HAS3: variants seen among roughly 807,000 people sequenced by gnomAD.
HAS3 encodes the protein HA synthase 3.
Under a neutral mutation model 50.3 loss-of-function variants are expected in HAS3, and 27 were observed. The observed-to-expected ratio is 0.54, with a 90% CI of 0.40 to 0.74. The LOEUF (loss-of-function observed/expected upper bound fraction) is 0.74, where lower values mean the gene tolerates loss of function less well. HAS3 is among the 30% of genes least tolerant of loss of function. The pLI is 0.00. For synonymous variants in HAS3, 339 were observed against 310.9 expected (o/e 1.09, Z -0.95); for missense variants, 517 against 742.8 (o/e 0.70, Z 3.53).
At position 69,115,716 on chromosome 16, in the gene HAS3, G is replaced by GT; in HGVS notation, c.*451dup. 1 of 989,082 alleles carries GT rather than the reference G, an allele frequency of 1.0e-6. No individual in the cohort carries two copies. The highest frequency in any genetic ancestry group is 1.7e-5 in the African/African-American group (1 of 57,462). The allele number at this position is 989,082 out of a possible 1,614,324, so 61.3% of individuals were successfully genotyped here. On this transcript the variant is annotated 3_prime_UTR_variant, in exon 4 of 4. Transcript: ENST00000569188. ...TACTGAGCGAGCTGGGCCGGTTAGT[G>GT]TATGTCACCCCCACCCCACCCCTAA...
the HAS3 span, among the ~76,000 whole-genome samples, chr16:69,085,592 CTTT>C: frequency 1.4e-5 from 2 of 143,500 alleles, no homozygotes; most frequent in African/African-American, 2.6e-5. Flanking sequence ...TTCTTTCTTT[CTTT>C]TTTTTTTTTT....
Position 69,117,604 on chromosome 16 carries a change from C to CAA in HAS3, c.*2339_*2340dup, listed in dbSNP as rs1961248054. The CAA allele has an allele frequency of 1.3e-5, 11 of 829,514 alleles. No homozygotes were observed. The highest frequency in any genetic ancestry group is 1.6e-5 in the Non-Finnish European group (11 of 693,458). 51.4% of individuals were successfully genotyped at this position (829,514 alleles called of 1,614,324 possible). ...TTTTTTTTTTTTTTAATTTTCAGGT[C>CAA]AAGTTTTTTATACTGCACTTATTTG... is the stretch of plus-strand genomic sequence containing the variant. On this transcript the variant is annotated 3_prime_UTR_variant, in exon 4 of 4. Transcript: ENST00000569188.
upstream of HAS3, among the ~76,000 whole-genome samples, chr16:69,101,737 C>G (rs996787287): frequency 6.6e-6 from 1 of 152,026 alleles, no homozygotes; most frequent in Non-Finnish European, 1.5e-5. Flanking sequence ...ATGTTGGATT[C>G]TCTCATCAAT....
chr16:69,092,180 C>T, the HAS3 span, among the ~76,000 whole-genome samples: 2 of 152,202 alleles, frequency 1.3e-5, no homozygotes. Context: ...CAGTAAGAAG[C>T]AGCCAAACCA....
rs1160126183 is a variant in HAS3 at position 69,109,537 on chromosome 16, T to C, written c.142T>C (p.Tyr48His). The change falls in exon 2 of 4, where the codon TAC (tyrosine) becomes CAC (histidine). Residue 48 changes from tyrosine to histidine, a missense_variant. Transcript: ENST00000569188. The surrounding 1 kb of genome is among the most constrained non-coding windows in gnomAD (Gnocchi z 5.3). ...TEKHYLSFGL[Y>H]GAILGLHLLI... ...AAAGCACTACCTGTCCTTCGGCCTGTACGGCGCCATCCTGGGCCTGCACCT... is the reference window on the plus strand; with the variant it reads ...AAAGCACTACCTGTCCTTCGGCCTGCACGGCGCCATCCTGGGCCTGCACCT... The C allele has an allele frequency of 6.2e-7, 1 of 1,613,982 alleles. No homozygotes were observed.
chr16:69,096,993 C>CA, the HAS3 span, among the ~76,000 whole-genome samples: 1 of 151,658 alleles, frequency 6.6e-6, no homozygotes, highest in African/African-American at 2.4e-5. Flanking sequence ...CCCATCTCTA[C>CA]AAAAAAATAC....
the HAS3 span, among the ~76,000 whole-genome samples, chr16:69,091,503 T>C: frequency 6.6e-6 from 1 of 152,072 alleles, no homozygotes; most frequent in Admixed American, 6.6e-5. Flanking sequence ...CAAAAGTTTG[T>C]ACCAATCTAC....
Position 69,115,675 on chromosome 16 carries a change from G to T in HAS3, c.*409G>T. The T allele has an allele frequency of 1.0e-6, 1 of 994,466 alleles. No individual in the cohort carries two copies. Among genetic ancestry groups the T allele is most frequent in the South Asian group, 4.7e-5 (1 of 21,488 alleles). 61.6% of individuals were successfully genotyped at this position (994,466 alleles called of 1,614,324 possible). ...CCAGCCCATCTGAACACAACCAGAG[G>T]TGGCAGGAGAATTTCTACTGAGCGA... On this transcript the variant is annotated 3_prime_UTR_variant, in exon 4 of 4. Transcript: ENST00000569188.
Position 69,109,940 on chromosome 16 carries a change from C to A in HAS3, c.545C>A (p.Thr182Asn). The A allele has an allele frequency of 6.2e-7, 1 of 1,614,096 alleles. No homozygotes were observed. Among genetic ancestry groups the A allele is most frequent in the African/African-American group, 1.3e-5 (1 of 75,058 alleles). Reference sequence around the variant, plus strand: ...GTGCGGGATGTGGTGCGGGCCAGCACCTTCTCGTGCATCATGCAGAAGTGG... The same window carrying A: ...GTGCGGGATGTGGTGCGGGCCAGCAACTTCTCGTGCATCATGCAGAAGTGG... ...DRVRDVVRAS[T>N]FSCIMQKWGG... The change falls in exon 2 of 4, where the codon ACC becomes AAC. Residue 182 changes from threonine (T) to asparagine (N), a missense_variant. Physicochemically the swap from Thr to Asn is moderately conservative, Grantham distance 65 (BLOSUM62 0). Coordinates refer to ENST00000569188, the MANE Select transcript of HAS3 (RefSeq NM_001199280.2). This position sits in a 1 kb window ranked among gnomAD's most constrained non-coding sequence, Gnocchi z 5.3.
At chr16:69,092,600 CA>C in the HAS3 span, among the ~76,000 whole-genome samples, 53,012 of 99,472 alleles carry the variant, frequency 0.53, 11,056 homozygotes, top group Admixed American at 0.57. Context: ...AACTCCGTCT[CA>C]AAAAAAAAAA....
intron 3 of HAS3, 70 bp downstream of exon 3, chr16:69,113,612 T>C: frequency 1.1e-6 from 1 of 900,364 alleles, no homozygotes; most frequent in East Asian, 2.5e-5. Flanking sequence ...TGGATATGCC[T>C]GGGAAATGGG....
intron 2 of HAS3, among the ~76,000 whole-genome samples, chr16:69,112,770 C>T (rs2152258886): frequency 6.6e-6 from 1 of 152,342 alleles, no homozygotes; most frequent in South Asian, 2.1e-4. Flanking sequence ...CATAAGCCTC[C>T]CAAGAGCTGG....
the HAS3 span, chr16:69,085,074 A>G: frequency 6.6e-6 from 1 of 152,342 alleles, no homozygotes; most frequent in Non-Finnish European, 1.5e-5. Flanking sequence ...CTATTCTCCA[A>G]ATCAAGGATG....
At chr16:69,110,820 G>A (rs1433742205) in intron 2 of HAS3, among the ~76,000 whole-genome samples, 1 of 152,136 alleles carries the variant, frequency 6.6e-6, no homozygotes, top group South Asian at 2.1e-4. Context: ...ATAAGAAAGC[G>A]TGGTGAAGAG....
the HAS3 span, among the ~76,000 whole-genome samples, chr16:69,088,836 C>A: frequency 1.3e-5 from 2 of 152,028 alleles, no homozygotes; most frequent in African/African-American, 4.8e-5. Flanking sequence ...GTAAGAGGAT[C>A]GCTTGTGTCC....
In HAS3 at chr16:69,117,576, CTTTTTTTT is replaced by C. The variant is rs10558208; in HGVS notation, c.*2319_*2326del. On this transcript the variant is annotated 3_prime_UTR_variant, in exon 4 of 4. Transcript: ENST00000569188. ...TTGTAAACATATTTATTTTTACCTG[CTTTTTTTT>C]TTTTTTTTAATTTTCAGGTCAAGTT... is the stretch of plus-strand genomic sequence containing the variant. The C allele has an allele frequency of 1.0e-5, 7 of 698,358 alleles. No homozygotes were observed. The South Asian group carries it at 3.9e-4, about 39-fold the overall frequency. 43.3% of individuals were successfully genotyped at this position (698,358 alleles called of 1,614,324 possible).
At chr16:69,087,156 T>C in the HAS3 span, among the ~76,000 whole-genome samples, 3 of 152,142 alleles carry the variant, frequency 2.0e-5, no homozygotes, top group African/African-American at 7.2e-5. Flanking sequence ...TCTGTGGCAC[T>C]CACTCAGCCT....
At chr16:69,097,555 G>T in the HAS3 span, among the ~76,000 whole-genome samples, 3 of 152,242 alleles carry the variant, frequency 2.0e-5, no homozygotes, top group East Asian at 5.8e-4. Context: ...TGTCCATTTT[G>T]TGTCACGTAA....
chr16:69,118,125 C>T, downstream of HAS3: 1 of 404,424 alleles, frequency 2.5e-6, no homozygotes, highest in Non-Finnish European at 4.5e-6. Flanking sequence ...CCTTCATCCC[C>T]CACCCCCACC....
Sources: gnomAD v4.1 joint callset for allele counts (sites outside exome capture counted in the v4.1 genomes callset) on GRCh38, gnomAD v4.1.1 for gene constraint, Gnocchi (gnomAD v3.1) non-coding constraint, MANE v1.5 for transcripts, NCBI Gene and HGNC (gene_info 2026-07-23, HGNC 2026-07-21) for gene names.